Variants in SIPA1L2 observed in about 807,000 individuals in gnomAD.
SIPA1L2 encodes the protein signal induced proliferation associated 1 like 2, also known as signal-induced proliferation-associated 1-like protein 2.
SIPA1L2 carries 56 observed loss-of-function variants against 163.9 expected under a neutral mutation model. The ratio of observed to expected loss-of-function variants is 0.34; its 90% confidence interval spans 0.28 to 0.43. SIPA1L2 has a LOEUF of 0.43. Among genes scored for constraint, SIPA1L2 ranks in the 20% least tolerant of loss-of-function variants. The pLI, the probability that SIPA1L2 is intolerant of heterozygous loss-of-function variation, is 1.00. For synonymous variants in SIPA1L2, 877 were observed against 865.7 expected (o/e 1.01, Z -0.23); for missense variants, 1,974 against 2,193.5 (o/e 0.90, Z 2.00).
chr1:232,491,761 G>A (rs1342306693), intron 4 of SIPA1L2, among the ~76,000 whole-genome samples: 1 of 152,164 alleles, frequency 6.6e-6, no homozygotes, highest in Non-Finnish European at 1.5e-5. Flanking sequence ...ACTCTGGTAA[G>A]AGTCCTTAGA....
intron 22 of SIPA1L2, among the ~76,000 whole-genome samples, chr1:232,400,185 C>T (rs986444790): frequency 3.3e-5 from 5 of 152,098 alleles, no homozygotes; most frequent in African/African-American, 1.2e-4. Context: ...TGCAGCCCAC[C>T]CTGGATAGAC....
intron 18 of SIPA1L2, among the ~76,000 whole-genome samples, chr1:232,419,541 C>T (rs565221882): frequency 2.8e-4 from 42 of 152,172 alleles, no homozygotes; most frequent in Middle Eastern, 6.8e-3. Flanking sequence ...AGTGAGTTCT[C>T]GTGAGAGTGA....
intron 2 of SIPA1L2, among the ~76,000 whole-genome samples, chr1:232,527,725 C>CTTTTTTTTTTTTTTTTT (rs57868657): frequency 6.2e-5 from 5 of 80,948 alleles, no homozygotes; most frequent in Admixed American, 2.0e-4. Context: ...TCTTCTTCTT[C>CTTTTTTTTTTTTTTTTT]TTTTTTTTTT....
At chr1:232,607,400 C>T (rs1299251939) in intron 1 of SIPA1L2, among the ~76,000 whole-genome samples, 3 of 152,106 alleles carry the variant, frequency 2.0e-5, no homozygotes, top group African/African-American at 7.2e-5. Flanking sequence ...GAATATCTTA[C>T]TATCAAATTT....
At chr1:232,563,364 T>C (rs1292885243) in intron 2 of SIPA1L2, among the ~76,000 whole-genome samples, 1 of 152,142 alleles carries the variant, frequency 6.6e-6, no homozygotes, top group Non-Finnish European at 1.5e-5. Flanking sequence ...TTTTAGCCCT[T>C]ACAGCCTACA....
chr1:232,471,072 C>A (rs1337711632), intron 8 of SIPA1L2, among the ~76,000 whole-genome samples: 4 of 152,196 alleles, frequency 2.6e-5, no homozygotes, highest in Admixed American at 2.0e-4. Flanking sequence ...CCTAGATAAG[C>A]ACTTAACCAG....
At chr1:232,584,752 A>G (rs985897970) in intron 1 of SIPA1L2, among the ~76,000 whole-genome samples, 1 of 152,240 alleles carries the variant, frequency 6.6e-6, no homozygotes, top group Admixed American at 6.5e-5. Flanking sequence ...TACTTAAATG[A>G]CTACTTATAC....
At chr1:232,618,513 G>C (rs1662624188) in intron 1 of SIPA1L2, among the ~76,000 whole-genome samples, 1 of 152,098 alleles carries the variant, frequency 6.6e-6, no homozygotes, top group East Asian at 1.9e-4. Context: ...AATTAGCTGG[G>C]CATGGTGGCG....
At chr1:232,399,627 T>C (rs996345145) in intron 22 of SIPA1L2, among the ~76,000 whole-genome samples, 1 of 152,148 alleles carries the variant, frequency 6.6e-6, no homozygotes, top group Non-Finnish European at 1.5e-5. Context: ...CACAAAACTT[T>C]CTAAGTAGAA....
At chr1:232,449,280 G>A (rs542505400) in intron 10 of SIPA1L2, among the ~76,000 whole-genome samples, 35 of 151,246 alleles carry the variant, frequency 2.3e-4, no homozygotes, top group African/African-American at 5.8e-4. Context: ...GCACTTTGGG[G>A]GGCCGAGGTG....
intron 18 of SIPA1L2, among the ~76,000 whole-genome samples, chr1:232,421,675 C>T (rs193081336): frequency 7.1e-5 from 8 of 112,400 alleles, no homozygotes; most frequent in Admixed American, 6.2e-4. Context: ...TTATCATCTA[C>T]AACACAAAAC....
chr1:232,465,268 G>A lies in SIPA1L2; in HGVS notation c.2392C>T (p.Arg798Ter), dbSNP rs771967026. The change falls in exon 9 of 23, where the codon CGA becomes TGA. Residue 798 changes from arginine (R) to a stop codon, truncating the protein, a stop_gained. Coordinates refer to ENST00000674635, the MANE Select transcript of SIPA1L2 (RefSeq NM_020808.5). LOFTEE classifies it high-confidence loss of function. The surrounding 1 kb of genome is among the most constrained non-coding windows in gnomAD (Gnocchi z 4.1). ...TGCCTCGTTCGAGTGGCCATTGCTC[G>A]AAACTTTTCTGATTTATGGGCTGCA... ...ENAAHKSEKF[R>*]AMATRTRQEY... is the part of the protein sequence containing the mutation. 1.2e-6 allele frequency: 2 copies of A among 1,614,120 alleles called. No homozygotes were observed. The highest frequency in any genetic ancestry group is 1.7e-6 in the Non-Finnish European group (2 of 1,180,024).
At chr1:232,497,285 C>T (rs1381045840) in intron 3 of SIPA1L2, among the ~76,000 whole-genome samples, 4 of 152,128 alleles carry the variant, frequency 2.6e-5, no homozygotes, top group African/African-American at 9.7e-5. Context: ...CAGAAGTGCA[C>T]ATTTTAGAAA....
intron 3 of SIPA1L2, among the ~76,000 whole-genome samples, chr1:232,504,796 G>A (rs755678954): frequency 2.0e-5 from 3 of 152,082 alleles, no homozygotes; most frequent in Non-Finnish European, 4.4e-5. Context: ...CTACTTATGA[G>A]GAGGCACAAC....
At chr1:232,609,777 C>T (rs1662143870) in intron 1 of SIPA1L2, among the ~76,000 whole-genome samples, 1 of 148,788 alleles carries the variant, frequency 6.7e-6, no homozygotes, top group Non-Finnish European at 1.5e-5. Context: ...TTGCAGTGAG[C>T]CAAGATCGCA....
At chr1:232,561,739 C>T (rs943969036) in intron 2 of SIPA1L2, among the ~76,000 whole-genome samples, 2 of 152,154 alleles carry the variant, frequency 1.3e-5, no homozygotes, top group Non-Finnish European at 2.9e-5. Flanking sequence ...TTATCATTGC[C>T]AGGCTTTGAT....
intron 1 of SIPA1L2, among the ~76,000 whole-genome samples, chr1:232,577,806 A>G (rs1413625978): frequency 6.6e-6 from 1 of 152,208 alleles, no homozygotes; most frequent in Non-Finnish European, 1.5e-5. Flanking sequence ...TGCTTTTTGT[A>G]GAGGAACAAA....
intron 3 of SIPA1L2, among the ~76,000 whole-genome samples, chr1:232,500,227 AAGG>A (rs1186460945): frequency 2.0e-5 from 3 of 152,254 alleles, no homozygotes; most frequent in Admixed American, 1.3e-4. Context: ...AGAAATATAT[AAGG>A]AGATTACTGT....
chr1:232,551,769 A>C (rs1658398401), intron 2 of SIPA1L2, among the ~76,000 whole-genome samples: 1 of 152,260 alleles, frequency 6.6e-6, no homozygotes. Flanking sequence ...AGTTTAGCTG[A>C]TGAGTTGAGC....
Sources: gnomAD v4.1 joint callset for allele counts (sites outside exome capture counted in the v4.1 genomes callset) on GRCh38, gnomAD v4.1.1 for gene constraint, Gnocchi (gnomAD v3.1) non-coding constraint, MANE v1.5 for transcripts, NCBI Gene and HGNC (gene_info 2026-07-23, HGNC 2026-07-21) for gene names.